The following KALRN variants were observed in gnomAD, a reference collection of about 807,000 sequenced individuals.
KALRN encodes kalirin RhoGEF kinase.
Under a neutral mutation model 353.7 loss-of-function variants are expected in KALRN, and 70 were observed. The ratio of observed to expected loss-of-function variants is 0.20; its 90% CI spans 0.16 to 0.24. KALRN has a LOEUF of 0.24. KALRN is among the 10% of genes least tolerant of loss of function. The pLI, the probability that KALRN is intolerant of heterozygous loss-of-function variation, is 1.00. For missense variants in KALRN, 2,791 were observed against 3,756.7 expected, an observed-to-expected ratio of 0.74 and a Z score of 6.72; for synonymous variants, 1,391 against 1,434.8, an observed-to-expected ratio of 0.97 and a Z score of 0.69.
At chr3:124,688,931 A>T (rs922824921) in intron 51 of KALRN, among the ~76,000 whole-genome samples, 2 of 152,236 alleles carry the variant, frequency 1.3e-5, no homozygotes, top group Admixed American at 1.3e-4. Flanking sequence ...CGATAAAATT[A>T]TTGGATTTCT....
At chr3:124,546,667 A>G (rs1441189762) in intron 33 of KALRN, among the ~76,000 whole-genome samples, 1 of 152,156 alleles carries the variant, frequency 6.6e-6, no homozygotes, top group Non-Finnish European at 1.5e-5. Context: ...TAGACCCAAA[A>G]GCGCCCAGTG....
chr3:124,495,965 G>GTATA lies in KALRN; in HGVS notation c.4833-301_4833-298dup, dbSNP rs768441029. Among the ~76,000 whole-genome samples the GTATA allele has an allele frequency of 1.6e-3, 66 of 41,436 alleles. 1 individual carries two copies. Among genetic ancestry groups the GTATA allele is most frequent in the South Asian group, 3.7e-3 (4 of 1,072 alleles). The allele number at this position is 41,436 out of a possible 152,430, so 27.2% of individuals were successfully genotyped here. On this transcript the variant is annotated intron_variant, in intron 32 of 59. Transcript: ENST00000682506. ...CCCAAGTGTGTGTATGTGTATGTAT[G>GTATA]TATATATATATATATATATATATAT...
chr3:124,264,786 G>C, intron 4 of KALRN, 96 bp downstream of exon 4: 2 of 1,072,290 alleles, frequency 1.9e-6, no homozygotes, highest in Non-Finnish European at 1.4e-6. Context: ...CATACAGTAT[G>C]TGACACCTCA....
In KALRN at chr3:124,446,857, A is replaced by C. The variant is rs2093856676; in HGVS notation, c.3524A>C (p.Glu1175Ala). ...TTEETQELLK[E>A]YGEFRVPAKQ... Reference sequence around the variant, plus strand: ...GAGGAGACTCAGGAACTGCTGAAAGAATATGGGGAATTCAGGGTGCCTGCC... The same window carrying C: ...GAGGAGACTCAGGAACTGCTGAAAGCATATGGGGAATTCAGGGTGCCTGCC... The change falls in exon 21 of 60, where the codon GAA becomes GCA. Residue 1175 changes from glutamate to alanine, a missense_variant. Glu to Ala is a moderately radical substitution (Grantham distance 107). Around this residue, in one of 11 missense-constraint regions of KALRN, gnomAD observed 268 missense variants for 347.0 expected, o/e 0.77. Transcript: ENST00000682506. 6.2e-7 allele frequency: 1 copy of C among 1,614,102 alleles called. No individual in the cohort carries two copies. Among genetic ancestry groups the C allele is most frequent in the South Asian group, 1.1e-5 (1 of 91,064 alleles).
intron 56 of KALRN, among the ~76,000 whole-genome samples, chr3:124,701,059 A>G (rs572583731): frequency 6.6e-6 from 1 of 152,290 alleles, no homozygotes; most frequent in East Asian, 1.9e-4. Context: ...GGGTCAGCTG[A>G]GCCAAGCTGC....
chr3:124,525,957 T>C (rs2067556474), intron 33 of KALRN, among the ~76,000 whole-genome samples: 1 of 152,042 alleles, frequency 6.6e-6, no homozygotes, highest in Non-Finnish European at 1.5e-5. Flanking sequence ...TTGGAGTCCT[T>C]GATTGATTGG....
intron 1 of KALRN, among the ~76,000 whole-genome samples, chr3:124,124,164 G>A (rs1298138862): frequency 6.6e-6 from 1 of 152,180 alleles, no homozygotes; most frequent in Non-Finnish European, 1.5e-5. Context: ...GATGCCTTAA[G>A]AACATTTGTG....
chr3:124,369,465 T>C (rs1390539366), intron 10 of KALRN, among the ~76,000 whole-genome samples: 3 of 152,214 alleles, frequency 2.0e-5, no homozygotes, highest in Non-Finnish European at 4.4e-5. Context: ...AAATTTCTTA[T>C]TTTTTAATCA....
At chr3:124,617,039 G>T (rs116127859) in intron 34 of KALRN, among the ~76,000 whole-genome samples, 7,633 of 151,328 alleles carry the variant, frequency 0.05, 253 homozygotes, top group Middle Eastern at 0.16. Context: ...AATGACCAAA[G>T]AATTTGTGTT....
intron 3 of KALRN, among the ~76,000 whole-genome samples, chr3:124,251,851 C>T (rs1560363738): frequency 6.6e-6 from 1 of 152,162 alleles, no homozygotes; most frequent in Non-Finnish European, 1.5e-5. Flanking sequence ...GAATACTTTA[C>T]CACACTCTGC....
chr3:124,680,464 T>G (rs1559839892), intron 51 of KALRN, among the ~76,000 whole-genome samples: 1 of 152,282 alleles, frequency 6.6e-6, no homozygotes, highest in Admixed American at 6.5e-5. Context: ...TTTCTCCAGA[T>G]CTGTGCATCC....
chr3:124,212,217 A>G (rs1047508679), intron 1 of KALRN, among the ~76,000 whole-genome samples: 10 of 145,958 alleles, frequency 6.9e-5, no homozygotes, highest in African/African-American at 2.6e-4. Flanking sequence ...AAAACTATAG[A>G]AAAGTGTAAA....
At chr3:124,276,480 T>C (rs1007854564) in intron 5 of KALRN, among the ~76,000 whole-genome samples, 3 of 152,142 alleles carry the variant, frequency 2.0e-5, no homozygotes, top group Non-Finnish European at 4.4e-5. Context: ...CCAGTGGGGC[T>C]GTTGTAGAGA....
intron 1 of KALRN, among the ~76,000 whole-genome samples, chr3:124,218,706 G>T (rs1345026731): frequency 6.6e-6 from 1 of 152,184 alleles, no homozygotes; most frequent in African/African-American, 2.4e-5. Flanking sequence ...CAACTTTTCT[G>T]GAGAGGGAGG....
At chr3:124,139,738 A>T (rs1256746879) in intron 1 of KALRN, among the ~76,000 whole-genome samples, 1 of 152,082 alleles carries the variant, frequency 6.6e-6, no homozygotes, top group Non-Finnish European at 1.5e-5. Context: ...ACTGTGGGGG[A>T]TTGGATGTGA....
intron 3 of KALRN, among the ~76,000 whole-genome samples, chr3:124,247,945 G>GA (rs1031800459): frequency 4.9e-4 from 75 of 151,998 alleles, no homozygotes; most frequent in Non-Finnish European, 2.6e-4. Context: ...GATTGCTTTA[G>GA]AAAAAAAGAT....
chr3:124,103,029 G>T (rs1297620315), intron 1 of KALRN, among the ~76,000 whole-genome samples: 1 of 152,182 alleles, frequency 6.6e-6, no homozygotes, highest in Non-Finnish European at 1.5e-5. Context: ...TCAAGATCCA[G>T]GACCCCGGAC....
At chr3:124,317,434 T>G (rs1025161609) in intron 6 of KALRN, among the ~76,000 whole-genome samples, 3 of 152,218 alleles carry the variant, frequency 2.0e-5, no homozygotes, top group Non-Finnish European at 4.4e-5. Context: ...GAAATGTGTT[T>G]GTACATTTTA....
chr3:124,166,163 C>T (rs2070820401), intron 1 of KALRN, among the ~76,000 whole-genome samples: 2 of 152,300 alleles, frequency 1.3e-5, no homozygotes, highest in South Asian at 4.1e-4. Flanking sequence ...CACACCCCAT[C>T]CCACTACTTC....
Sources: allele counts gnomAD v4.1 joint callset (sites outside exome capture counted in the v4.1 genomes callset), GRCh38; gene constraint gnomAD v4.1.1; regional missense constraint gnomAD v4.1.1; transcripts MANE v1.5; gene names NCBI Gene and HGNC (gene_info 2026-07-23, HGNC 2026-07-21).